The following SUGCT variants were observed in gnomAD, a reference collection of about 807,000 sequenced individuals.
The protein encoded by SUGCT is succinyl-CoA:glutarate-CoA transferase, also known as succinyl-CoA:glutarate CoA-transferase.
A neutral mutation model predicts 55.0 loss-of-function variants in SUGCT; 41 were observed. The ratio of observed to expected loss-of-function variants is 0.74; its 90% CI spans 0.58 to 0.97. The LOEUF (loss-of-function observed/expected upper bound fraction) is 0.97. SUGCT is among the 50% of genes least tolerant of loss of function. SUGCT has a pLI of 0.00. For synonymous variants in SUGCT, 187 were observed against 200.4 expected (o/e 0.93, Z 0.56); for missense variants, 568 against 547.8 (o/e 1.04, Z -0.37).
chr7:40,359,186 T>C (rs1798029136), intron 9 of SUGCT, among the ~76,000 whole-genome samples: 1 of 152,124 alleles, frequency 6.6e-6, no homozygotes, highest in Non-Finnish European at 1.5e-5. Flanking sequence ...TATGTATGTA[T>C]GTATATTTTT....
At chr7:40,409,299 T>C (rs917846285) in intron 9 of SUGCT, among the ~76,000 whole-genome samples, 1 of 151,964 alleles carries the variant, frequency 6.6e-6, no homozygotes, top group African/African-American at 2.4e-5. Flanking sequence ...GGTCTTGCTC[T>C]GTTGCCCGGG....
In SUGCT at chr7:40,279,001, A is replaced by ATT. The variant is rs111686538; in HGVS notation, c.720+4359_720+4360dup. Among the ~76,000 whole-genome samples, 560 of 123,014 alleles carry ATT rather than the reference A, an allele frequency of 4.6e-3. 2 individuals carry two copies. Among genetic ancestry groups the ATT allele is most frequent in the African/African-American group, 0.013 (477 of 35,458 alleles). 80.7% of individuals were successfully genotyped at this position (123,014 alleles called of 152,430 possible). A position where few individuals can be genotyped will look rare whatever the true frequency, so the allele number is the denominator to read the frequency against. The stretch of plus-strand genomic sequence containing the variant: ...GACCTTATGCCTGGCTAATTTTTGT[A>ATT]TTTTTTTTTTTTTTTAGAGATGGGG... On this transcript the variant is annotated intron_variant, in intron 8 of 13. Transcript: ENST00000335693.
intron 12 of SUGCT, among the ~76,000 whole-genome samples, chr7:40,722,020 C>G (rs573396785): frequency 1.3e-5 from 2 of 152,210 alleles, no homozygotes; most frequent in African/African-American, 4.8e-5. Context: ...GAAAACCTAT[C>G]CATTTAAATA....
chr7:40,334,465 C>T (rs1031230495), intron 9 of SUGCT, among the ~76,000 whole-genome samples: 1 of 152,174 alleles, frequency 6.6e-6, no homozygotes, highest in Admixed American at 6.5e-5. Context: ...GAGATGGTAT[C>T]TCATTGTGGT....
At chr7:40,230,060 T>G (rs1411734951) in intron 6 of SUGCT, among the ~76,000 whole-genome samples, 1 of 152,178 alleles carries the variant, frequency 6.6e-6, no homozygotes, top group Non-Finnish European at 1.5e-5. Context: ...ATAACAATGG[T>G]ATTACTTTTA....
intron 12 of SUGCT, among the ~76,000 whole-genome samples, chr7:40,711,873 T>A (rs919162631): frequency 2.6e-5 from 4 of 152,228 alleles, no homozygotes; most frequent in African/African-American, 9.6e-5. Flanking sequence ...CTGGAGTGGC[T>A]CATGCCTTGA....
the SUGCT span, among the ~76,000 whole-genome samples, chr7:40,908,916 AT>A: frequency 6.6e-6 from 1 of 152,184 alleles, no homozygotes; most frequent in African/African-American, 2.4e-5. Flanking sequence ...GTATATTTAA[AT>A]TTTTTTAAAT....
chr7:40,470,367 A>T (rs1190752379), intron 11 of SUGCT, among the ~76,000 whole-genome samples: 1 of 151,948 alleles, frequency 6.6e-6, no homozygotes, highest in Admixed American at 6.6e-5. Context: ...GCATCAACTG[A>T]TGTTTCTAGT....
At position 40,543,462 on chromosome 7, in the gene SUGCT, A is replaced by G. The variant is rs889437242; in HGVS notation, c.1089+47076A>G. Reference sequence around the variant, plus strand: ...ACTGAAAACAGGCTCTTCATAGTTTAGGATTGGAAGACTCTGCCGTACATC... The same window carrying G: ...ACTGAAAACAGGCTCTTCATAGTTTGGGATTGGAAGACTCTGCCGTACATC... On this transcript the variant is annotated intron_variant, in intron 12 of 13. Coordinates refer to ENST00000335693, the MANE Select transcript of SUGCT (RefSeq NM_001193313.2). 1.2e-4 allele frequency among the ~76,000 whole-genome samples: 19 copies of G among 152,238 alleles called. 1 individual carries two copies. The highest frequency in any genetic ancestry group is 4.3e-4 in the African/African-American group (18 of 41,464).
At chr7:40,803,035 C>G (rs1563014364) in intron 13 of SUGCT, among the ~76,000 whole-genome samples, 1 of 152,038 alleles carries the variant, frequency 6.6e-6, no homozygotes, top group Non-Finnish European at 1.5e-5. Context: ...TTGCATGTTT[C>G]TTAAAAAAAG....
At chr7:40,230,920 G>C (rs767322914) in intron 6 of SUGCT, among the ~76,000 whole-genome samples, 3 of 152,018 alleles carry the variant, frequency 2.0e-5, no homozygotes, top group African/African-American at 7.2e-5. Flanking sequence ...TGTAAAAAGG[G>C]GATAATTCAT....
chr7:40,280,178 C>G (rs1427551691), intron 8 of SUGCT, among the ~76,000 whole-genome samples: 1 of 152,164 alleles, frequency 6.6e-6, no homozygotes, highest in East Asian at 1.9e-4. Flanking sequence ...CTTGTAGAGA[C>G]ATGACAATTG....
At chr7:40,897,276 G>T in the SUGCT span, among the ~76,000 whole-genome samples, 1 of 152,174 alleles carries the variant, frequency 6.6e-6, no homozygotes, top group East Asian at 1.9e-4. Flanking sequence ...TAGGGGAAAA[G>T]CTTCTTGACA....
Position 40,297,970 on chromosome 7 carries a change from C to CT in SUGCT, c.721-18781dup, listed in dbSNP as rs555556622. Among the ~76,000 whole-genome samples, 109 of 150,758 alleles carry CT rather than the reference C, an allele frequency of 7.2e-4. 1 individual carries two copies. In the South Asian group the frequency reaches 0.021, roughly 28 times the overall value. On this transcript the variant is annotated intron_variant, in intron 8 of 13. Transcript: ENST00000335693. ...CCTCCTTCTGTTTTTTAAACATAGC[C>CT]TTTTTTTTTGTCTCATGTAACCTCA...
the SUGCT span, among the ~76,000 whole-genome samples, chr7:41,012,530 T>C: frequency 1.1e-4 from 16 of 152,224 alleles, no homozygotes; most frequent in Non-Finnish European, 1.6e-4. Context: ...GTCAGCACCA[T>C]ACTTGCACAT....
chr7:40,542,310 C>G (rs1023065769), intron 12 of SUGCT, among the ~76,000 whole-genome samples: 4 of 152,142 alleles, frequency 2.6e-5, no homozygotes, highest in African/African-American at 7.2e-5. Flanking sequence ...AGGTAAATAA[C>G]TTTTCAGCCA....
chr7:40,302,656 A>G (rs1223512503), intron 8 of SUGCT, among the ~76,000 whole-genome samples: 1 of 152,190 alleles, frequency 6.6e-6, no homozygotes, highest in African/African-American at 2.4e-5. Flanking sequence ...CAACAGGAGC[A>G]TGACTCTCTG....
At chr7:40,970,962 A>C in the SUGCT span, among the ~76,000 whole-genome samples, 1 of 152,276 alleles carries the variant, frequency 6.6e-6, no homozygotes, top group Middle Eastern at 3.4e-3. Context: ...GTTTTTAAAA[A>C]ATCAGGTGGC....
intron 12 of SUGCT, among the ~76,000 whole-genome samples, chr7:40,506,516 A>C (rs939689134): frequency 6.6e-6 from 1 of 152,124 alleles, no homozygotes; most frequent in Non-Finnish European, 1.5e-5. Context: ...GAGTTCATTC[A>C]GCTTCTTGGA....
Sources: gnomAD v4.1 joint callset for allele counts (sites outside exome capture counted in the v4.1 genomes callset) on GRCh38, gnomAD v4.1.1 for gene constraint, MANE v1.5 for transcripts, NCBI Gene and HGNC (gene_info 2026-07-23, HGNC 2026-07-21) for gene names.